The following SPATA13 variants were observed in gnomAD, a reference collection of about 807,000 sequenced individuals.
SPATA13 encodes spermatogenesis-associated protein 13.
SPATA13 carries 50 observed loss-of-function variants against 104.0 expected under a neutral mutation model. The ratio of observed to expected loss-of-function variants is 0.48; its 90% confidence interval spans 0.38 to 0.61. The LOEUF (loss-of-function observed/expected upper bound fraction) is 0.61, where lower values mean the gene tolerates loss of function less well. SPATA13 is among the 20% of genes least tolerant of loss of function. The probability of loss-of-function intolerance (pLI) is 0.00; values close to 1 mark genes in which losing one functional copy is unlikely to be tolerated. For synonymous variants in SPATA13, 606 were observed against 667.5 expected (o/e 0.91, Z 1.42); for missense variants, 1,524 against 1,690.6 (o/e 0.90, Z 1.73).
At chr13:24,010,659 A>G (rs1401354866) in intron 2 of SPATA13, among the ~76,000 whole-genome samples, 1 of 151,810 alleles carries the variant, frequency 6.6e-6, no homozygotes, top group Non-Finnish European at 1.5e-5. Context: ...TTCTCCTCCC[A>G]GCAGTCTACT....
In SPATA13 at chr13:24,306,953, T is replaced by G. The variant is rs1379415492; in HGVS notation, c.*4180T>G. The G allele has an allele frequency of 6.6e-6, 1 of 152,222 alleles. No homozygotes were observed. The highest frequency in any genetic ancestry group is 2.4e-5 in the African/African-American group (1 of 41,462). The allele number at this position is 152,222 out of a possible 1,614,324, so 9.4% of individuals were successfully genotyped here. ...TGTACAAGATTGATGTAACTTGATA[T>G]GTATTTTTGTTGAAGTTTTTTGTAA... On this transcript the variant is annotated 3_prime_UTR_variant, in exon 13 of 13. Transcript: ENST00000382108.
At chr13:24,057,044 C>A (rs1399853764) in intron 3 of SPATA13, among the ~76,000 whole-genome samples, 1 of 139,674 alleles carries the variant, frequency 7.2e-6, no homozygotes, top group African/African-American at 2.7e-5. Flanking sequence ...TCTTTCATAG[C>A]GTCTGGCTCT....
chr13:24,050,765 C>T (rs1405392151), intron 3 of SPATA13, among the ~76,000 whole-genome samples: 1 of 152,212 alleles, frequency 6.6e-6, no homozygotes, highest in Non-Finnish European at 1.5e-5. Context: ...GTCTGTGACT[C>T]CCGCGCTGGC....
intron 2 of SPATA13, among the ~76,000 whole-genome samples, chr13:23,990,553 A>G (rs1875363704): frequency 6.6e-6 from 1 of 151,882 alleles, no homozygotes; most frequent in Non-Finnish European, 1.5e-5. Flanking sequence ...GAGCAGCTCT[A>G]TTCCTTCTTC....
intron 3 of SPATA13, among the ~76,000 whole-genome samples, chr13:24,046,245 A>G (rs906511345): frequency 6.6e-6 from 1 of 150,752 alleles, no homozygotes; most frequent in South Asian, 2.1e-4. Context: ...TCAATTTCCC[A>G]TCCTAGGAAG....
chr13:24,042,941 T>C (rs1172231814), intron 3 of SPATA13, among the ~76,000 whole-genome samples: 1 of 152,210 alleles, frequency 6.6e-6, no homozygotes, highest in Non-Finnish European at 1.5e-5. Context: ...TGCAAATGTA[T>C]AAAAATACCT....
At chr13:24,144,482 G>T (rs935967028) in intron 3 of SPATA13, among the ~76,000 whole-genome samples, 2 of 152,134 alleles carry the variant, frequency 1.3e-5, no homozygotes, top group Non-Finnish European at 2.9e-5. Flanking sequence ...TTTAAGAAGC[G>T]TTGGAGGATG....
rs375499104 is a variant in SPATA13 at position 24,096,601 on chromosome 13, T to C, written c.-112+78900T>C. On this transcript the variant is annotated intron_variant, in intron 3 of 14. Transcript: ENST00000424834. ...GTGAGACTCTGTCTAAAAAAAATAA[T>C]AATAACAAGGGGGACCTAATTTGGA... 1.5e-4 allele frequency among the ~76,000 whole-genome samples: 23 copies of C among 151,772 alleles called. No homozygotes were observed. The South Asian group carries it at 4.6e-3, about 30-fold the overall frequency.
chr13:24,230,752 C>G (rs1244722429), intron 2 of SPATA13, among the ~76,000 whole-genome samples: 1 of 152,276 alleles, frequency 6.6e-6, no homozygotes, highest in Admixed American at 6.5e-5. Flanking sequence ...TGCAGAACTT[C>G]TGTACAGGGT....
intron 4 of SPATA13, among the ~76,000 whole-genome samples, chr13:24,269,421 A>G (rs1874452956): frequency 6.6e-6 from 1 of 152,206 alleles, no homozygotes; most frequent in African/African-American, 2.4e-5. Flanking sequence ...TTTTAGAGAC[A>G]GGATCTAGCT....
chr13:24,139,870 A>T (rs1353990691), intron 3 of SPATA13, among the ~76,000 whole-genome samples: 1 of 152,146 alleles, frequency 6.6e-6, no homozygotes. Context: ...GATCTAGACC[A>T]TCCTGCCTAA....
At chr13:24,117,500 T>C (rs140395548) in intron 3 of SPATA13, among the ~76,000 whole-genome samples, 2 of 152,328 alleles carry the variant, frequency 1.3e-5, no homozygotes, top group Non-Finnish European at 2.9e-5. Context: ...TGTATGACTT[T>C]AGTGATGTCA....
At chr13:24,163,163 G>A (rs1305904090) in intron 1 of SPATA13, among the ~76,000 whole-genome samples, 4 of 152,180 alleles carry the variant, frequency 2.6e-5, no homozygotes, top group South Asian at 2.1e-4. Context: ...TTGGGAGGCC[G>A]AGGTAGGAGG....
At chr13:24,154,183 G>T (rs1882188797) in intron 3 of SPATA13, among the ~76,000 whole-genome samples, 2 of 152,078 alleles carry the variant, frequency 1.3e-5, no homozygotes, top group African/African-American at 4.8e-5. Flanking sequence ...CTGATAGTCT[G>T]GCAGTACCAC....
intron 2 of SPATA13, among the ~76,000 whole-genome samples, chr13:23,996,976 T>C (rs932789520): frequency 1.3e-5 from 2 of 152,210 alleles, no homozygotes; most frequent in African/African-American, 4.8e-5. Context: ...AGCAGGAGAA[T>C]GTGGCTGAGA....
intron 3 of SPATA13, among the ~76,000 whole-genome samples, chr13:24,149,753 G>T (rs1233376608): frequency 1.3e-5 from 2 of 152,224 alleles, no homozygotes; most frequent in East Asian, 3.9e-4. Flanking sequence ...AAGGCCCTGC[G>T]GGGCGGATAG....
At chr13:24,258,957 T>TTTTATGGCCCAGG (rs1447890083) in intron 4 of SPATA13, among the ~76,000 whole-genome samples, 97 of 152,332 alleles carry the variant, frequency 6.4e-4, no homozygotes, top group African/African-American at 2.3e-3. Flanking sequence ...GAGCATATCC[T>TTTTATGGCCCAGG]AGCTAGCCAC....
At chr13:24,222,645 T>G (rs1871655422) in intron 1 of SPATA13, among the ~76,000 whole-genome samples, 174 bp from the exon 2 acceptor site, 1 of 152,206 alleles carries the variant, frequency 6.6e-6, no homozygotes, top group Non-Finnish European at 1.5e-5. Flanking sequence ...GGGATGTATA[T>G]TTGCATCTTT....
chr13:23,984,806 G>A (rs908661338), intron 2 of SPATA13, among the ~76,000 whole-genome samples: 1 of 152,214 alleles, frequency 6.6e-6, no homozygotes, highest in Admixed American at 6.5e-5. Flanking sequence ...ATTTCTGAGA[G>A]CTGTGCATAC....
Sources: gnomAD v4.1 joint callset for allele counts (sites outside exome capture counted in the v4.1 genomes callset) on GRCh38, gnomAD v4.1.1 for gene constraint, MANE v1.5 for transcripts, NCBI Gene and HGNC (gene_info 2026-07-23, HGNC 2026-07-21) for gene names.